MARCHF3: variants seen among roughly 807,000 people sequenced by gnomAD.
MARCHF3 encodes the protein E3 ubiquitin-protein ligase MARCHF3.
In MARCHF3, 13 loss-of-function variants were observed where a neutral mutation model predicts 24.2. The ratio of observed to expected loss-of-function variants is 0.54; its 90% CI spans 0.35 to 0.85. The LOEUF (loss-of-function observed/expected upper bound fraction) is 0.85. MARCHF3 is among the 40% of genes least tolerant of loss of function. The pLI, the probability that MARCHF3 is intolerant of heterozygous loss-of-function variation, is 0.01. For synonymous variants in MARCHF3, 144 were observed against 137.3 expected (o/e 1.05, Z -0.34); for missense variants, 276 against 325.0 (o/e 0.85, Z 1.16).
chr5:126,955,445 T>G (rs1405654593), intron 1 of MARCHF3, among the ~76,000 whole-genome samples: 1 of 152,262 alleles, frequency 6.6e-6, no homozygotes, highest in East Asian at 1.9e-4. Flanking sequence ...CCACACTACA[T>G]GCCCAGTTTC....
Position 127,006,998 on chromosome 5 carries a change from T to A in MARCHF3, c.-57+23352A>T, listed in dbSNP as rs192293414. Among the ~76,000 whole-genome samples the A allele has an allele frequency of 1.7e-4, 26 of 151,954 alleles. No individual in the cohort carries two copies. The East Asian group carries it at 2.9e-3, about 17-fold the overall frequency. On this transcript the variant is annotated intron_variant, in intron 1 of 4. Transcript: ENST00000308660. ...AGAGAAAACTACTTCTTTTTTTTTT[T>A]AAATTTTTCATAAAACATTTTCATA...
intron 3 of MARCHF3, among the ~76,000 whole-genome samples, chr5:126,913,898 A>G (rs1176100264): frequency 1.3e-5 from 2 of 151,978 alleles, no homozygotes; most frequent in Non-Finnish European, 1.5e-5. Context: ...GGTCTGAATC[A>G]TAGATACAAT....
intron 1 of MARCHF3, among the ~76,000 whole-genome samples, chr5:126,936,797 C>T (rs536140185): frequency 4.6e-5 from 7 of 152,300 alleles, no homozygotes; most frequent in East Asian, 3.9e-4. Flanking sequence ...CACATGCCCT[C>T]GCCATAAATA....
rs746644006 is a variant in MARCHF3, at chr5:126,869,964, C to T, written c.*669G>A. 1 of 151,984 alleles carries T rather than the reference C, an allele frequency of 6.6e-6. No individual in the cohort carries two copies. The highest frequency in any genetic ancestry group is 2.4e-5 in the African/African-American group (1 of 41,096). 9.4% of individuals were successfully genotyped at this position (151,984 alleles called of 1,614,324 possible). A position where few individuals can be genotyped will look rare whatever the true frequency, so the allele number is the denominator to read the frequency against. On this transcript the variant is annotated 3_prime_UTR_variant, in exon 5 of 5. Coordinates refer to ENST00000308660, the MANE Select transcript of MARCHF3 (RefSeq NM_178450.5). Reference sequence around the variant, plus strand: ...GCTTCTCACCATATTTTTTTTTCTCCTTAATGATATTTAAATAAACAGCTC... The same window carrying T: ...GCTTCTCACCATATTTTTTTTTCTCTTTAATGATATTTAAATAAACAGCTC...
intron 3 of MARCHF3, among the ~76,000 whole-genome samples, chr5:126,900,659 T>TG (rs1754074243): frequency 6.6e-6 from 1 of 151,920 alleles, no homozygotes; most frequent in African/African-American, 2.4e-5. Context: ...CTAGGTGTGG[T>TG]GGAAAGAACG....
At chr5:126,916,696 C>G (rs905592048) in intron 2 of MARCHF3, among the ~76,000 whole-genome samples, 159 of 108,406 alleles carry the variant, frequency 1.5e-3, no homozygotes, top group East Asian at 9.7e-3. Flanking sequence ...CAGACAGACA[C>G]ACACACACAC....
At chr5:126,990,922 A>G (rs556081963) in intron 1 of MARCHF3, among the ~76,000 whole-genome samples, 1 of 152,306 alleles carries the variant, frequency 6.6e-6, no homozygotes, top group South Asian at 2.1e-4. Flanking sequence ...GGATGTGGAG[A>G]AATAGGAACA....
At chr5:126,903,794 G>A (rs1363204122) in intron 3 of MARCHF3, among the ~76,000 whole-genome samples, 5 of 151,788 alleles carry the variant, frequency 3.3e-5, no homozygotes, top group African/African-American at 1.2e-4. Flanking sequence ...ACTGAATCCT[G>A]GGCACACTTT....
intron 1 of MARCHF3, among the ~76,000 whole-genome samples, chr5:127,001,472 C>T (rs928108974): frequency 2.0e-5 from 3 of 152,140 alleles, no homozygotes; most frequent in African/African-American, 7.2e-5. Context: ...ATACATAATT[C>T]TTGACTCAAA....
chr5:127,006,405 G>C (rs1752314657), intron 1 of MARCHF3, among the ~76,000 whole-genome samples: 2 of 151,952 alleles, frequency 1.3e-5, no homozygotes. Flanking sequence ...TGAGTTTTAA[G>C]GGCTGTCATT....
At chr5:126,881,246 G>A (rs1753331380) in intron 3 of MARCHF3, among the ~76,000 whole-genome samples, 1 of 152,108 alleles carries the variant, frequency 6.6e-6, no homozygotes, top group African/African-American at 2.4e-5. Flanking sequence ...GCTGCTGGTT[G>A]TACTTAGGTA....
At chr5:126,879,744 C>T (rs1382266092) in intron 3 of MARCHF3, among the ~76,000 whole-genome samples, 2 of 152,168 alleles carry the variant, frequency 1.3e-5, no homozygotes, top group Non-Finnish European at 2.9e-5. Context: ...ATTTGACATT[C>T]CCATCTCACT....
intron 3 of MARCHF3, among the ~76,000 whole-genome samples, chr5:126,893,186 C>G (rs1374871801): frequency 6.6e-6 from 1 of 151,594 alleles, no homozygotes; most frequent in African/African-American, 2.4e-5. Context: ...CTCTTTTTTT[C>G]TTTATTAGTC....
chr5:126,906,277 C>A (rs1249754817), intron 3 of MARCHF3, among the ~76,000 whole-genome samples: 2 of 151,922 alleles, frequency 1.3e-5, no homozygotes, highest in African/African-American at 2.4e-5. Flanking sequence ...CTAAAATTCT[C>A]TTTTTTGGTT....
At chr5:126,898,032 G>C (rs954506612) in intron 3 of MARCHF3, among the ~76,000 whole-genome samples, 35 of 152,066 alleles carry the variant, frequency 2.3e-4, no homozygotes, top group African/African-American at 8.0e-4. Flanking sequence ...TGGCTGCCTA[G>C]GCTGGGGGTG....
At chr5:126,900,995 C>A (rs1485794899) in intron 3 of MARCHF3, among the ~76,000 whole-genome samples, 1 of 152,018 alleles carries the variant, frequency 6.6e-6, no homozygotes, top group African/African-American at 2.4e-5. Context: ...CATGAGCCAC[C>A]GTGCCTGGAC....
intron 1 of MARCHF3, among the ~76,000 whole-genome samples, chr5:127,016,313 A>G (rs888766474): frequency 8.5e-5 from 13 of 152,328 alleles, no homozygotes; most frequent in African/African-American, 2.9e-4. Flanking sequence ...TTTTAAATGA[A>G]TTTGTACTGC....
chr5:126,946,761 G>GGT (rs58269583), intron 1 of MARCHF3, among the ~76,000 whole-genome samples: 3,864 of 135,998 alleles, frequency 0.028, 80 homozygotes, highest in African/African-American at 0.047. Flanking sequence ...TGTAAGTAGG[G>GGT]GTGTGTGTGT....
intron 1 of MARCHF3, among the ~76,000 whole-genome samples, chr5:126,991,828 C>T (rs564436248): frequency 4.6e-5 from 7 of 152,276 alleles, no homozygotes; most frequent in Admixed American, 2.0e-4. Context: ...ATGTACGCCT[C>T]GACCTGATAA....
Sources: allele counts gnomAD v4.1 joint callset (sites outside exome capture counted in the v4.1 genomes callset), GRCh38; gene constraint gnomAD v4.1.1; transcripts MANE v1.5; gene names NCBI Gene and HGNC (gene_info 2026-07-23, HGNC 2026-07-21).